KIF2A: variants seen among roughly 807,000 people sequenced by gnomAD.
The protein encoded by KIF2A is kinesin-like protein KIF2A.
A neutral mutation model predicts 100.2 loss-of-function variants in KIF2A; 22 were observed. That is an observed-to-expected ratio of 0.22 (90% CI 0.16 to 0.31). The LOEUF (loss-of-function observed/expected upper bound fraction) is 0.31. Among genes scored for constraint, KIF2A ranks in the 10% least tolerant of loss-of-function variants. The pLI is 1.00. For missense variants in KIF2A, 495 were observed against 898.7 expected (o/e 0.55, Z 5.74); for synonymous variants, 268 against 285.9 (o/e 0.94, Z 0.63).
chr5:62,381,194 A>T lies in KIF2A; in HGVS notation c.2090A>T (p.Tyr697Phe). Residue 697 changes from tyrosine to phenylalanine, a missense_variant, in exon 20 of 21, where the codon TAT (tyrosine) becomes TTT (phenylalanine). Physicochemically the swap from Tyr to Phe is conservative, Grantham distance 22. Transcript: ENST00000407818. ...GAAGTAGATTATGATGTCGATTCAT[A>T]TGCTACACAACTTGAAGCTATTCTT... ...TEEVDYDVDSYATQLEAILEQ... is the reference protein window; with the variant it reads ...TEEVDYDVDSFATQLEAILEQ... 3 of 1,609,740 alleles carry T rather than the reference A, an allele frequency of 1.9e-6. No individual in the cohort carries two copies. The highest frequency in any genetic ancestry group is 2.6e-6 in the Non-Finnish European group (3 of 1,176,122).
chr5:62,328,093 T>C (rs1441929146), intron 1 of KIF2A, among the ~76,000 whole-genome samples: 2 of 152,226 alleles, frequency 1.3e-5, no homozygotes, highest in African/African-American at 4.8e-5. Context: ...TTTTGAACTA[T>C]TGGCAACATG....
chr5:62,306,848 G>GCC (rs200309229), intron 1 of KIF2A: 74 of 326,708 alleles, frequency 2.3e-4, no homozygotes, highest in South Asian at 4.2e-4. Context: ...GCAATCTCCA[G>GCC]CCCCCCCCCG....
At position 62,362,475 on chromosome 5, in the gene KIF2A, G is replaced by T. The variant is rs867546096; in HGVS notation, c.1053G>T (p.Lys351Asn). The T allele has an allele frequency of 6.9e-7, 1 of 1,459,096 alleles. No individual in the cohort carries two copies. 90.4% of individuals were successfully genotyped at this position (1,459,096 alleles called of 1,614,324 possible). The change falls in exon 12 of 21, where the codon AAG becomes AAT. Residue 351 changes from lysine (K) to asparagine (N), a missense_variant. By Grantham distance (94) the Lys-to-Asn change is moderately conservative. This residue lies in a region of KIF2A where 22 missense variants were observed against 19.3 expected (regional missense o/e 1.14). Transcript: ENST00000407818. ...CTCGAGATGTCTTTTTAATGCTAAA[G>T]AAGCCAAACTATAAGAAGCTAGAAC... is the stretch of plus-strand genomic sequence containing the variant. ...LAARDVFLML[K>N]KPNYKKLELQ...
chr5:62,350,998 G>A lies in KIF2A; in HGVS notation c.334+878G>A, dbSNP rs566072896. Among the ~76,000 whole-genome samples, 5 of 152,116 alleles carry A rather than the reference G, an allele frequency of 3.3e-5. No individual in the cohort carries two copies. In the East Asian group the frequency reaches 9.7e-4, roughly 29 times the overall value. On this transcript the variant is annotated intron_variant, in intron 4 of 20. Coordinates refer to ENST00000407818, the MANE Select transcript of KIF2A (RefSeq NM_001098511.3). ...TGAAATCCCAGCACTTTGAGAGGCC[G>A]AGGCGGGCAGATAACCTGAGGTCAG...
At position 62,309,588 on chromosome 5, in the gene KIF2A, A is replaced by G. The variant is rs1472553035; in HGVS notation, c.64+3052A>G. Among the ~76,000 whole-genome samples, 3 of 152,240 alleles carry G rather than the reference A, an allele frequency of 2.0e-5. No individual in the cohort carries two copies. The East Asian group carries it at 5.8e-4, about 29-fold the overall frequency. ...ATAAAACACTAGTGGTTATTATAAC[A>G]AAAATAAACTTTGCAGTTGGAGGAA... On this transcript the variant is annotated intron_variant, in intron 1 of 20. Coordinates refer to ENST00000407818, the MANE Select transcript of KIF2A (RefSeq NM_001098511.3).
Position 62,351,063 on chromosome 5 carries a change from CTCTACTAAAAA to C in KIF2A, c.334+945_334+955del, listed in dbSNP as rs562316276. Among the ~76,000 whole-genome samples the C allele has an allele frequency of 6.4e-4, 98 of 151,962 alleles. 1 individual carries two copies. The highest frequency in any genetic ancestry group is 1.9e-3 in the African/African-American group (77 of 41,424). On this transcript the variant is annotated intron_variant, in intron 4 of 20. Coordinates refer to ENST00000407818, the MANE Select transcript of KIF2A (RefSeq NM_001098511.3). Reference sequence around the variant, plus strand: ...CCTGGCCAACATGATGAAACTCCATCTCTACTAAAAATACAAAAACTAGCCAAGTGCAGTGA... The same window carrying C: ...CCTGGCCAACATGATGAAACTCCATCTACAAAAACTAGCCAAGTGCAGTGA...
chr5:62,323,969 G>A (rs1746236692), intron 1 of KIF2A, among the ~76,000 whole-genome samples: 1 of 152,062 alleles, frequency 6.6e-6, no homozygotes, highest in Non-Finnish European at 1.5e-5. Flanking sequence ...CAGAGGTTGA[G>A]GCTGCAGTGA....
intron 1 of KIF2A, among the ~76,000 whole-genome samples, chr5:62,339,378 C>T (rs2034240): frequency 0.43 from 64,629 of 149,344 alleles, 14,268 homozygotes; most frequent in East Asian, 0.61. Context: ...CCAATCACCT[C>T]CACTGGGCCC....
intron 1 of KIF2A, among the ~76,000 whole-genome samples, chr5:62,321,893 A>G (rs1746108079): frequency 1.3e-5 from 2 of 151,886 alleles, no homozygotes; most frequent in African/African-American, 2.4e-5. Flanking sequence ...GATCTGTTCA[A>G]ATCCTTTGTT....
At chr5:62,375,627 G>A (rs1273722602) in intron 18 of KIF2A, among the ~76,000 whole-genome samples, 1 of 152,156 alleles carries the variant, frequency 6.6e-6, no homozygotes, top group Non-Finnish European at 1.5e-5. Flanking sequence ...CAGATACTTA[G>A]CCCAAAATAT....
Position 62,389,758 on chromosome 5 carries a change from T to C in KIF2A, c.*4189T>C, listed in dbSNP as rs1233224229. Among the ~76,000 whole-genome samples the C allele has an allele frequency of 1.3e-5, 2 of 152,112 alleles. No individual in the cohort carries two copies. The highest frequency in any genetic ancestry group is 4.8e-5 in the African/African-American group (2 of 41,420). On this transcript the variant is annotated 3_prime_UTR_variant, in exon 21 of 21. Coordinates refer to ENST00000407818, the MANE Select transcript of KIF2A (RefSeq NM_001098511.3). ...TCCTCTCTTGAGCTGTTGTTTATATTCAAATTAAATACACATTGTTTCTCT... is the reference window on the plus strand; with the variant it reads ...TCCTCTCTTGAGCTGTTGTTTATATCCAAATTAAATACACATTGTTTCTCT...
rs1479953508 is a variant in KIF2A, at chr5:62,389,776, G to A, written c.*4207G>A. On this transcript the variant is annotated 3_prime_UTR_variant, in exon 21 of 21. Coordinates refer to ENST00000407818, the MANE Select transcript of KIF2A (RefSeq NM_001098511.3). Reference sequence around the variant, plus strand: ...TTTATATTCAAATTAAATACACATTGTTTCTCTCTGTAGATACCTATGTAC... The same window carrying A: ...TTTATATTCAAATTAAATACACATTATTTCTCTCTGTAGATACCTATGTAC... 6.6e-6 allele frequency among the ~76,000 whole-genome samples: 1 copy of A among 152,018 alleles called. No homozygotes were observed. Among genetic ancestry groups the A allele is most frequent in the Non-Finnish European group, 1.5e-5 (1 of 68,012 alleles).
intron 16 of KIF2A, among the ~76,000 whole-genome samples, chr5:62,371,381 G>A (rs556605799): frequency 3.9e-4 from 60 of 152,310 alleles, no homozygotes; most frequent in South Asian, 1.2e-3. Flanking sequence ...AAGAAAGACT[G>A]TTAGTAGAGG....
chr5:62,357,806 A>T, intron 8 of KIF2A, 61 bp downstream of exon 8: 1 of 992,182 alleles, frequency 1.0e-6, no homozygotes, highest in Non-Finnish European at 1.5e-6. Context: ...ATGTATTTTT[A>T]TAATAGCAAA....
chr5:62,332,131 G>A (rs1342231370), intron 1 of KIF2A, among the ~76,000 whole-genome samples: 1 of 152,138 alleles, frequency 6.6e-6, no homozygotes, highest in Non-Finnish European at 1.5e-5. Flanking sequence ...ACATATAATA[G>A]GATCCTGTTT....
rs1477392835 is a variant in KIF2A, at chr5:62,317,291, G to A, written c.64+10755G>A. 9.9e-5 allele frequency among the ~76,000 whole-genome samples: 15 copies of A among 152,084 alleles called. 1 individual carries two copies. The highest frequency in any genetic ancestry group is 6.6e-5 in the Admixed American group (1 of 15,266). ...TCGAACTCCTGGCCTCAGGTCATCC[G>A]CCTGTCTTGGCCTCCCAAAGTGCTG... is the stretch of plus-strand genomic sequence containing the variant. On this transcript the variant is annotated intron_variant, in intron 1 of 20. Transcript: ENST00000407818.
At chr5:62,366,534 A>T (rs1741077333) in intron 16 of KIF2A, 53 bp downstream of exon 16, 1 of 1,095,868 alleles carries the variant, frequency 9.1e-7, no homozygotes, top group South Asian at 1.4e-5. Flanking sequence ...AGCAGTACAT[A>T]GTATAATTTA....
chr5:62,332,534 ATATT>A (rs1239971910), intron 1 of KIF2A, among the ~76,000 whole-genome samples: 1 of 152,100 alleles, frequency 6.6e-6, no homozygotes, highest in African/African-American at 2.4e-5. Context: ...ATATTTCAAA[ATATT>A]TATTATATTT....
In KIF2A at chr5:62,390,041, A is replaced by G. The variant is rs1742232214; in HGVS notation, c.*4472A>G. ...CTGCTAGCCAGCCAATAAAATATAA[A>G]CTCCATTTGTCTTAGTTATATAGAA... On this transcript the variant is annotated 3_prime_UTR_variant, in exon 21 of 21. Coordinates refer to ENST00000407818, the MANE Select transcript of KIF2A (RefSeq NM_001098511.3). Among the ~76,000 whole-genome samples the G allele has an allele frequency of 6.6e-6, 1 of 152,118 alleles. No individual in the cohort carries two copies. The highest frequency in any genetic ancestry group is 1.5e-5 in the Non-Finnish European group (1 of 68,018).
Sources: gnomAD v4.1 joint callset for allele counts (sites outside exome capture counted in the v4.1 genomes callset) on GRCh38, gnomAD v4.1.1 for gene constraint, gnomAD v4.1.1 regional missense constraint, MANE v1.5 for transcripts, NCBI Gene and HGNC (gene_info 2026-07-23, HGNC 2026-07-21) for gene names.